The following SGIP1 variants were observed in gnomAD, a reference collection of about 807,000 sequenced individuals.
SGIP1 encodes SH3GL interacting endocytic adaptor 1, also known as SH3-containing GRB2-like protein 3-interacting protein 1.
SGIP1 carries 38 observed loss-of-function variants against 107.5 expected under a neutral mutation model. The ratio of observed to expected loss-of-function variants is 0.35; its 90% CI spans 0.27 to 0.46. The LOEUF is 0.46. Among genes scored for constraint, SGIP1 ranks in the 20% least tolerant of loss-of-function variants. The pLI is 1.00. For missense variants in SGIP1, 929 were observed against 1,019.5 expected (o/e 0.91, Z 1.21); for synonymous variants, 365 against 366.1 (o/e 1.00, Z 0.03).
intron 17 of SGIP1, among the ~76,000 whole-genome samples, chr1:66,693,425 TAC>T (rs1445606122): frequency 2.6e-5 from 4 of 152,144 alleles, no homozygotes; most frequent in Non-Finnish European, 5.9e-5. Flanking sequence ...CATTTCAAGA[TAC>T]AGAGATAACA....
At chr1:66,709,243 A>C (rs2092744279) in intron 18 of SGIP1, among the ~76,000 whole-genome samples, 1 of 128,926 alleles carries the variant, frequency 7.8e-6, no homozygotes, top group African/African-American at 3.0e-5. Context: ...ATGTGTTCTC[A>C]TTGGAGAACT....
At chr1:66,636,164 TG>T in intron 4 of SGIP1, 149 bp downstream of exon 4, 1 of 702,106 alleles carries the variant, frequency 1.4e-6, no homozygotes. Context: ...CTTGAATGTC[TG>T]GGGCCAATTT....
chr1:66,560,846 T>G (rs2058833283), intron 1 of SGIP1, among the ~76,000 whole-genome samples: 1 of 152,112 alleles, frequency 6.6e-6, no homozygotes, highest in African/African-American at 2.4e-5. Context: ...TTGGTTTCCT[T>G]TTCTGTGAAA....
At position 66,635,953 on chromosome 1, in the gene SGIP1, C is replaced by A; in HGVS notation, c.109C>A (p.Pro37Thr). The change falls in exon 4 of 25, where the codon CCA (proline) becomes ACA (threonine). Residue 37 changes from proline to threonine, a missense_variant. By Grantham distance (38) the Pro-to-Thr change is conservative. Transcript: ENST00000371037. ...SPDRDGIQPSPHEPPYNSKAE... is the reference protein window; with the variant it reads ...SPDRDGIQPSTHEPPYNSKAE... The stretch of plus-strand genomic sequence containing the variant: ...AAACAATCAATTCCAGCAGCCCAGC[C>A]CACACGAACCACCCTACAATAGCAA... 2 of 1,613,776 alleles carry A rather than the reference C, an allele frequency of 1.2e-6. No individual in the cohort carries two copies. The highest frequency in any genetic ancestry group is 1.7e-6 in the Non-Finnish European group (2 of 1,179,832).
intron 1 of SGIP1, among the ~76,000 whole-genome samples, chr1:66,578,712 C>T (rs2061415197): frequency 6.6e-6 from 1 of 152,100 alleles, no homozygotes; most frequent in African/African-American, 2.4e-5. Context: ...ACTCTTGTTG[C>T]CTAGACTGGA....
Position 66,682,002 on chromosome 1 carries a change from T to A in SGIP1, c.948T>A (p.Ser316=). Residue 316 remains serine, a synonymous_variant, in exon 15 of 25, where the codon TCT becomes TCA. Coordinates refer to ENST00000371037, the MANE Select transcript of SGIP1 (RefSeq NM_032291.4). The stretch of plus-strand genomic sequence containing the variant: ...CTGAAGAAAAGTGGGTCCATTTTTC[T>A]GATACATCCCCGGAACATGTTACTC... ...VNAEEKWVHF[S]DTSPEHVTPE... 1 of 1,614,214 alleles carries A rather than the reference T, an allele frequency of 6.2e-7. No individual in the cohort carries two copies. Among genetic ancestry groups the A allele is most frequent in the Non-Finnish European group, 8.5e-7 (1 of 1,180,040 alleles).
intron 1 of SGIP1, chr1:66,615,839 AC>A (rs1227984089): frequency 1.3e-5 from 2 of 152,200 alleles, no homozygotes; most frequent in East Asian, 1.9e-4. Flanking sequence ...AAAGAAAGTA[AC>A]CTTTTTACAG....
intron 21 of SGIP1, among the ~76,000 whole-genome samples, chr1:66,736,000 C>T (rs948619238): frequency 1.3e-5 from 2 of 150,994 alleles, no homozygotes; most frequent in Non-Finnish European, 2.9e-5. Context: ...ATCAGGACAT[C>T]TCAAACTTGA....
In SGIP1 at chr1:66,633,013, T is replaced by G. The variant is rs897016094; in HGVS notation, c.75-57T>G. The G allele has an allele frequency of 2.7e-6, 3 of 1,107,994 alleles. No homozygotes were observed. In the African/African-American group the frequency reaches 4.6e-5, roughly 17 times the overall value. 68.6% of individuals were successfully genotyped at this position (1,107,994 alleles called of 1,614,324 possible). ...ATTGGTTCTTACTGTTGTACTTTAG[T>G]CTATGTGGCAAGAATGATTCCTTAT... On this transcript the variant is annotated intron_variant, in intron 2 of 24. Coordinates refer to ENST00000371037, the MANE Select transcript of SGIP1 (RefSeq NM_032291.4).
intron 14 of SGIP1, among the ~76,000 whole-genome samples, 170 bp downstream of exon 14, chr1:66,679,922 A>G (rs1382490484): frequency 6.6e-6 from 1 of 152,204 alleles, no homozygotes; most frequent in Non-Finnish European, 1.5e-5. Flanking sequence ...TTAAAGCACC[A>G]CTTCCAGGTT....
chr1:66,632,017 T>C (rs2074873713), intron 2 of SGIP1, among the ~76,000 whole-genome samples: 1 of 152,094 alleles, frequency 6.6e-6, no homozygotes, highest in Admixed American at 6.5e-5. Flanking sequence ...CTCTAATACC[T>C]CTCCTACACT....
Position 66,743,736 on chromosome 1 carries a change from A to G in SGIP1, c.*641A>G, listed in dbSNP as rs190515927. 6.5e-6 allele frequency: 1 copy of G among 152,766 alleles called. No individual in the cohort carries two copies. The highest frequency in any genetic ancestry group is 1.9e-4 in the East Asian group (1 of 5,188). The allele number at this position is 152,766 out of a possible 1,614,324, so 9.5% of individuals were successfully genotyped here. Reference sequence around the variant, plus strand: ...AAGCATTAGTTACCACTTTTTAAAAAGCTTTTTTTTCAAACTGCAAATTTC... The same window carrying G: ...AAGCATTAGTTACCACTTTTTAAAAGGCTTTTTTTTCAAACTGCAAATTTC... On this transcript the variant is annotated 3_prime_UTR_variant, in exon 25 of 25. Transcript: ENST00000371037.
chr1:66,661,294 G>A (rs2149719746), intron 8 of SGIP1, among the ~76,000 whole-genome samples: 1 of 152,326 alleles, frequency 6.6e-6, no homozygotes, highest in African/African-American at 2.4e-5. Flanking sequence ...AAGATATTAT[G>A]TTCCATGTTC....
At chr1:66,733,968 A>G (rs2094126357) in intron 21 of SGIP1, 88 bp downstream of exon 21, 1 of 1,385,320 alleles carries the variant, frequency 7.2e-7, no homozygotes, top group South Asian at 1.7e-5. Flanking sequence ...AACTAAAGTA[A>G]CACTTCTTTT....
intron 1 of SGIP1, among the ~76,000 whole-genome samples, chr1:66,584,663 G>T (rs1035722826): frequency 2.6e-5 from 4 of 152,114 alleles, no homozygotes; most frequent in Admixed American, 1.3e-4. Flanking sequence ...TACATCTAGG[G>T]ATATCTGAAA....
In SGIP1 at chr1:66,604,699, G is replaced by A. The variant is rs1293380775; in HGVS notation, c.11-21148G>A. On this transcript the variant is annotated intron_variant, in intron 1 of 24. Coordinates refer to ENST00000371037, the MANE Select transcript of SGIP1 (RefSeq NM_032291.4). ...CCAATTCACAAACTATCACCACTTT[G>A]TAAAAATGTGAGTTACTGAATTGGA... is the stretch of plus-strand genomic sequence containing the variant. 2.6e-5 allele frequency among the ~76,000 whole-genome samples: 4 copies of A among 152,296 alleles called. No homozygotes were observed. The East Asian group carries it at 7.7e-4, about 29-fold the overall frequency.
intron 1 of SGIP1, among the ~76,000 whole-genome samples, chr1:66,550,738 C>T (rs776862690): frequency 7.2e-5 from 11 of 152,028 alleles, no homozygotes; most frequent in African/African-American, 1.2e-4. Flanking sequence ...ATTGATACTA[C>T]GATAATTATT....
Position 66,658,101 on chromosome 1 carries a change from C to A in SGIP1, c.460-2412C>A, listed in dbSNP as rs1192501413. ...GAGATGTAGAGGAGGGGAGGGGTAA[C>A]CTTTATCATTTGTGTGTTCATGTTT... is the stretch of plus-strand genomic sequence containing the variant. On this transcript the variant is annotated intron_variant, in intron 7 of 24. Transcript: ENST00000371037. 2.6e-5 allele frequency among the ~76,000 whole-genome samples: 4 copies of A among 152,000 alleles called. No individual in the cohort carries two copies. In the South Asian group the frequency reaches 8.3e-4, roughly 32 times the overall value.
At chr1:66,643,478 G>T (rs977870638) in intron 6 of SGIP1, 66 bp from the exon 7 acceptor site, 19 of 1,361,318 alleles carry the variant, frequency 1.4e-5, no homozygotes, top group Non-Finnish European at 1.9e-5. Flanking sequence ...ATATGCAATT[G>T]CTCTTGTCTT....
Sources: allele counts gnomAD v4.1 joint callset (sites outside exome capture counted in the v4.1 genomes callset), GRCh38; gene constraint gnomAD v4.1.1; transcripts MANE v1.5; gene names NCBI Gene and HGNC (gene_info 2026-07-23, HGNC 2026-07-21).